Variants in SLC6A11 observed in about 807,000 individuals in gnomAD.
SLC6A11 encodes the protein solute carrier family 6 member 11, also known as sodium- and chloride-dependent GABA transporter 3.
Under a neutral mutation model 74.8 loss-of-function variants are expected in SLC6A11, and 25 were observed. That is an observed-to-expected ratio of 0.33 (90% CI 0.24 to 0.47). The LOEUF (loss-of-function observed/expected upper bound fraction) is 0.47. Among genes scored for constraint, SLC6A11 ranks in the 20% least tolerant of loss-of-function variants. The probability of loss-of-function intolerance (pLI) is 1.00; values close to 1 mark genes in which losing one functional copy is unlikely to be tolerated. For missense variants in SLC6A11, 574 were observed against 837.0 expected (o/e 0.69, Z 3.88); for synonymous variants, 330 against 330.2 (o/e 1.00, Z 0.01).
chr3:10,818,681 A>C (rs978835854), intron 1 of SLC6A11, among the ~76,000 whole-genome samples: 3 of 152,202 alleles, frequency 2.0e-5, no homozygotes, highest in Admixed American at 2.0e-4. Context: ...ATGTGTTTTC[A>C]TGCTTCGTTA....
intron 6 of SLC6A11, among the ~76,000 whole-genome samples, chr3:10,882,052 T>C (rs1694987773): frequency 6.6e-6 from 1 of 152,172 alleles, no homozygotes; most frequent in Non-Finnish European, 1.5e-5. Flanking sequence ...GGATTCTGCA[T>C]GAAGGCTGAT....
intron 6 of SLC6A11, among the ~76,000 whole-genome samples, chr3:10,890,247 A>G (rs997202262): frequency 2.0e-5 from 3 of 152,226 alleles, no homozygotes; most frequent in Non-Finnish European, 2.9e-5. Flanking sequence ...TGTGCCAGGT[A>G]CTGGAAATGG....
Position 10,917,880 on chromosome 3 carries a change from C to T in SLC6A11, c.996-449C>T, listed in dbSNP as rs998069295. On this transcript the variant is annotated intron_variant, in intron 7 of 13. Coordinates refer to ENST00000254488, the MANE Select transcript of SLC6A11 (RefSeq NM_014229.3). ...TCTCCCCCGGAGGCTGCCGGAGCTTCAGGTGCAAGGCCCATGGTTTCTCCC... is the reference window on the plus strand; with the variant it reads ...TCTCCCCCGGAGGCTGCCGGAGCTTTAGGTGCAAGGCCCATGGTTTCTCCC... Among the ~76,000 whole-genome samples the T allele has an allele frequency of 2.6e-5, 4 of 152,198 alleles. No homozygotes were observed. In the East Asian group the frequency reaches 5.8e-4, roughly 22 times the overall value.
rs999684896 is a variant in SLC6A11, at chr3:10,938,563, T to A, written c.*161T>A. The A allele has an allele frequency of 5.8e-5, 34 of 590,608 alleles. No homozygotes were observed. The highest frequency in any genetic ancestry group is 8.4e-5 in the Non-Finnish European group (30 of 357,114). The allele number at this position is 590,608 out of a possible 1,614,324, so 36.6% of individuals were successfully genotyped here. On this transcript the variant is annotated 3_prime_UTR_variant, in exon 14 of 14. Transcript: ENST00000254488. ...GTGGCCACTGTACACTGCTCTAAAG[T>A]CATATCCCCTCCCCGCCCCCAGTCA...
At chr3:10,932,655 G>A (rs184347166) in intron 10 of SLC6A11, among the ~76,000 whole-genome samples, 81 of 152,284 alleles carry the variant, frequency 5.3e-4, no homozygotes, top group Middle Eastern at 6.8e-3. Flanking sequence ...AGGGAGATGA[G>A]GCCAATGAGG....
chr3:10,907,751 C>T (rs1041651078), intron 6 of SLC6A11, among the ~76,000 whole-genome samples: 1 of 152,130 alleles, frequency 6.6e-6, no homozygotes, highest in Non-Finnish European at 1.5e-5. Context: ...AAAAGAGAGC[C>T]AAGGATTTTA....
intron 6 of SLC6A11, among the ~76,000 whole-genome samples, chr3:10,895,260 A>G (rs754889973): frequency 2.6e-5 from 4 of 152,216 alleles, no homozygotes; most frequent in African/African-American, 7.2e-5. Flanking sequence ...TGATTAAAAA[A>G]GAGAGTTGGT....
chr3:10,892,525 C>G (rs1228039998), intron 6 of SLC6A11, among the ~76,000 whole-genome samples: 1 of 152,098 alleles, frequency 6.6e-6, no homozygotes, highest in Non-Finnish European at 1.5e-5. Flanking sequence ...TGCCAGAGTT[C>G]CATCAGCTGT....
chr3:10,873,951 T>TGCTATGCTAC (rs1694874900), intron 5 of SLC6A11, among the ~76,000 whole-genome samples: 1 of 149,518 alleles, frequency 6.7e-6, no homozygotes. Context: ...TGCTATCCTA[T>TGCTATGCTAC]GCTATGCTAC....
chr3:10,882,239 G>A (rs1694989918), intron 6 of SLC6A11, among the ~76,000 whole-genome samples: 1 of 152,180 alleles, frequency 6.6e-6, no homozygotes, highest in African/African-American at 2.4e-5. Flanking sequence ...TTACTTTCCT[G>A]CTCTTTATGC....
intron 1 of SLC6A11, among the ~76,000 whole-genome samples, chr3:10,819,176 A>G (rs1694103381): frequency 6.6e-6 from 1 of 152,226 alleles, no homozygotes; most frequent in South Asian, 2.1e-4. Context: ...CAATGAAACA[A>G]TTTCTTTTAC....
In SLC6A11 at chr3:10,918,235, C is replaced by T. The variant is rs1695484776; in HGVS notation, c.996-94C>T. The T allele has an allele frequency of 1.4e-6, 2 of 1,391,858 alleles. No homozygotes were observed. Among genetic ancestry groups the T allele is most frequent in the Non-Finnish European group, 1.9e-6 (2 of 1,055,962 alleles). 86.2% of individuals were successfully genotyped at this position (1,391,858 alleles called of 1,614,324 possible). A position where few individuals can be genotyped will look rare whatever the true frequency, so the allele number is the denominator to read the frequency against. On this transcript the variant is annotated intron_variant, in intron 7 of 13. Coordinates refer to ENST00000254488, the MANE Select transcript of SLC6A11 (RefSeq NM_014229.3). This position sits in a 1 kb window ranked among gnomAD's most constrained non-coding sequence, Gnocchi z 4.5. ...TGTGCCTGCACTTCCCTGCCTGCCT[C>T]ACAGGACAGCCATGGTGCTCGGGTG...
rs191639782 is a variant in SLC6A11, at chr3:10,816,704, C to T, written c.256+183C>T. On this transcript the variant is annotated intron_variant, in intron 1 of 13. Coordinates refer to ENST00000254488, the MANE Select transcript of SLC6A11 (RefSeq NM_014229.3). This position sits in a 1 kb window ranked among gnomAD's most constrained non-coding sequence, Gnocchi z 4.2. ...CGCGGCCCACCTGTGCCAGTGCGCA[C>T]GCGCACGTGCCAATTCGCACCTGAG... is the stretch of plus-strand genomic sequence containing the variant. Among the ~76,000 whole-genome samples, 1 of 152,192 alleles carries T rather than the reference C, an allele frequency of 6.6e-6. No individual in the cohort carries two copies. Among genetic ancestry groups the T allele is most frequent in the Non-Finnish European group, 1.5e-5 (1 of 68,034 alleles).
At chr3:10,847,454 G>A (rs535229065) in intron 5 of SLC6A11, among the ~76,000 whole-genome samples, 3 of 152,316 alleles carry the variant, frequency 2.0e-5, no homozygotes, top group South Asian at 4.1e-4. Context: ...TCCTCCATGT[G>A]TCCTGTGCCT....
rs528330610 is a variant in SLC6A11 at position 10,834,466 on chromosome 3, T to C, written c.624-9748T>C. Among the ~76,000 whole-genome samples the C allele has an allele frequency of 5.3e-5, 8 of 151,452 alleles. No homozygotes were observed. The East Asian group carries it at 1.6e-3, about 30-fold the overall frequency. On this transcript the variant is annotated intron_variant, in intron 4 of 13. Transcript: ENST00000254488. ...AGCCTTCAGCATCCAGCAACAACAA[T>C]GTAAGCCCTGTGGGTTGGGTCCTTC... is the stretch of plus-strand genomic sequence containing the variant.
At chr3:10,822,417 G>T (rs1179608856) in intron 3 of SLC6A11, among the ~76,000 whole-genome samples, 2 of 152,218 alleles carry the variant, frequency 1.3e-5, no homozygotes, top group African/African-American at 4.8e-5. Flanking sequence ...GCCCTGGCTG[G>T]AGTTTATTAC....
chr3:10,899,547 A>G (rs969943325), intron 6 of SLC6A11, among the ~76,000 whole-genome samples: 6 of 152,216 alleles, frequency 3.9e-5, no homozygotes, highest in East Asian at 1.9e-4. Context: ...TGGAAGATCT[A>G]TTCCATTTCC....
chr3:10,934,513 G>A (rs1695733302), intron 12 of SLC6A11, among the ~76,000 whole-genome samples: 1 of 152,248 alleles, frequency 6.6e-6, no homozygotes, highest in Non-Finnish European at 1.5e-5. Context: ...AACCATGAAG[G>A]CAGCAGAGCC....
At chr3:10,905,477 A>G (rs1286842299) in intron 6 of SLC6A11, among the ~76,000 whole-genome samples, 2 of 152,260 alleles carry the variant, frequency 1.3e-5, no homozygotes, top group African/African-American at 4.8e-5. Flanking sequence ...GCCCCTTCAC[A>G]GGGGCTATGC....
Sources: gnomAD v4.1 joint callset for allele counts (sites outside exome capture counted in the v4.1 genomes callset) on GRCh38, gnomAD v4.1.1 for gene constraint, Gnocchi (gnomAD v3.1) non-coding constraint, MANE v1.5 for transcripts, NCBI Gene and HGNC (gene_info 2026-07-23, HGNC 2026-07-21) for gene names.